ADAM22: variants seen among roughly 807,000 people sequenced by gnomAD.
ADAM22 encodes ADAM metallopeptidase domain 22.
In ADAM22, 65 loss-of-function variants were observed where a neutral mutation model predicts 144.6. That is an observed-to-expected ratio of 0.45 (90% CI 0.37 to 0.55). The LOEUF is 0.55. Among genes scored for constraint, ADAM22 ranks in the 20% least tolerant of loss-of-function variants. The pLI is 0.00. For missense variants in ADAM22, 974 were observed against 1,184.9 expected, an observed-to-expected ratio of 0.82 and a Z score of 2.61; for synonymous variants, 391 against 412.6, an observed-to-expected ratio of 0.95 and a Z score of 0.63.
chr7:88,024,733 G>A (rs1798609200), intron 3 of ADAM22, among the ~76,000 whole-genome samples: 2 of 119,472 alleles, frequency 1.7e-5, no homozygotes, highest in Admixed American at 2.4e-4. Context: ...CCCAGTGCAT[G>A]ATGTTCCCCT....
At chr7:87,947,182 A>C (rs183269945) in intron 2 of ADAM22, among the ~76,000 whole-genome samples, 9 of 152,352 alleles carry the variant, frequency 5.9e-5, no homozygotes, top group African/African-American at 2.2e-4. Context: ...ACAAACCTGC[A>C]CATGTATCCC....
chr7:88,089,346 C>A (rs183793159), intron 4 of ADAM22, among the ~76,000 whole-genome samples: 1 of 151,992 alleles, frequency 6.6e-6, no homozygotes, highest in Admixed American at 6.6e-5. Context: ...CATACCCTTG[C>A]ATCAATGATG....
chr7:88,154,641 A>G (rs1839397598), intron 21 of ADAM22, among the ~76,000 whole-genome samples: 1 of 152,172 alleles, frequency 6.6e-6, no homozygotes, highest in Admixed American at 6.6e-5. Context: ...TCTTGTGAAT[A>G]AAGATCATAT....
intron 24 of ADAM22, 39 bp downstream of exon 24, chr7:88,165,985 C>A: frequency 6.9e-7 from 1 of 1,457,666 alleles, no homozygotes; most frequent in Non-Finnish European, 9.4e-7. Flanking sequence ...AGTCTTTATA[C>A]ACAAAGAGAA....
intron 3 of ADAM22, among the ~76,000 whole-genome samples, chr7:88,059,653 G>A (rs756475551): frequency 6.6e-6 from 1 of 152,136 alleles, no homozygotes; most frequent in Admixed American, 6.5e-5. Flanking sequence ...TAAAAATGTG[G>A]CATATATACA....
intron 23 of ADAM22, among the ~76,000 whole-genome samples, chr7:88,165,324 T>G (rs1341212037): frequency 3.9e-5 from 6 of 152,132 alleles, no homozygotes; most frequent in Non-Finnish European, 8.8e-5. Context: ...CAGCATGGGT[T>G]GAAGTGCTAA....
intron 23 of ADAM22, among the ~76,000 whole-genome samples, chr7:88,165,575 C>A (rs546789985): frequency 6.6e-4 from 99 of 150,222 alleles, no homozygotes; most frequent in African/African-American, 2.3e-3. Context: ...ACAATAATTT[C>A]TTTGATTTTT....
At chr7:88,116,232 A>T (rs1352565723) in intron 6 of ADAM22, among the ~76,000 whole-genome samples, 1 of 152,042 alleles carries the variant, frequency 6.6e-6, no homozygotes, top group East Asian at 1.9e-4. Context: ...TTAACTTTTT[A>T]GAAGAAAAAT....
chr7:88,156,782 C>A (rs1341324150), intron 22 of ADAM22, among the ~76,000 whole-genome samples: 1 of 151,930 alleles, frequency 6.6e-6, no homozygotes. Flanking sequence ...TGGAGGACAG[C>A]AAGCAATATT....
intron 3 of ADAM22, among the ~76,000 whole-genome samples, chr7:88,053,492 C>T (rs1210051929): frequency 6.8e-6 from 1 of 147,902 alleles, no homozygotes; most frequent in African/African-American, 2.5e-5. Context: ...AATAAAAAGA[C>T]TTAAAGAGAA....
intron 15 of ADAM22, among the ~76,000 whole-genome samples, chr7:88,144,819 A>G (rs1312186055): frequency 6.6e-6 from 1 of 152,086 alleles, no homozygotes; most frequent in South Asian, 2.1e-4. Context: ...GCTTGATTTT[A>G]GTGAATGGTT....
In ADAM22 at chr7:88,199,422, A is replaced by C. The variant is rs1400636100; in HGVS notation, c.*2931A>C. The C allele has an allele frequency of 2.0e-5, 3 of 152,242 alleles. No homozygotes were observed. The highest frequency in any genetic ancestry group is 4.8e-5 in the African/African-American group (2 of 41,462). The allele number at this position is 152,242 out of a possible 1,614,324, so 9.4% of individuals were successfully genotyped here. A position where few individuals can be genotyped will look rare whatever the true frequency, so the allele number is the denominator to read the frequency against. On this transcript the variant is annotated 3_prime_UTR_variant, in exon 32 of 32. Coordinates refer to ENST00000413139, the MANE Select transcript of ADAM22 (RefSeq NM_001324418.2). The stretch of plus-strand genomic sequence containing the variant: ...GTGCAGTAAACCCTGATTTAAAGGA[A>C]CATTTAAGTCTCTCCAGTAAGTGTG...
chr7:88,110,764 T>C (rs1472624603), intron 5 of ADAM22, among the ~76,000 whole-genome samples: 1 of 67,518 alleles, frequency 1.5e-5, no homozygotes, highest in Non-Finnish European at 3.1e-5. Context: ...TTCTTTTCTG[T>C]CAGAGTCTCA....
chr7:88,127,940 A>G (rs1180249621), intron 8 of ADAM22, among the ~76,000 whole-genome samples: 1 of 151,974 alleles, frequency 6.6e-6, no homozygotes, highest in Non-Finnish European at 1.5e-5. Flanking sequence ...AAAGAGAAGA[A>G]AACTTGTTGG....
At chr7:88,195,742 C>T (rs1306070503) in intron 31 of ADAM22, among the ~76,000 whole-genome samples, 3 of 152,136 alleles carry the variant, frequency 2.0e-5, no homozygotes, top group Non-Finnish European at 4.4e-5. Context: ...TGGTCTCGAT[C>T]TCCTGACCTC....
At chr7:87,946,635 C>G (rs1357939643) in intron 2 of ADAM22, among the ~76,000 whole-genome samples, 2 of 152,094 alleles carry the variant, frequency 1.3e-5, no homozygotes, top group Admixed American at 1.3e-4. Context: ...TATTTTTGCC[C>G]ACTTTGTTGA....
intron 17 of ADAM22, 65 bp from the exon 18 acceptor site, chr7:88,148,912 T>A: frequency 8.2e-7 from 1 of 1,223,880 alleles, no homozygotes; most frequent in Non-Finnish European, 1.2e-6. Flanking sequence ...TTGTTTTTTT[T>A]AGATGATATT....
At chr7:88,122,379 C>A (rs1829503145) in intron 7 of ADAM22, among the ~76,000 whole-genome samples, 1 of 152,146 alleles carries the variant, frequency 6.6e-6, no homozygotes, top group Admixed American at 6.6e-5. Flanking sequence ...AAGCAAGTTA[C>A]AGGTTTTACT....
At chr7:88,096,839 G>A (rs993507138) in intron 4 of ADAM22, among the ~76,000 whole-genome samples, 1 of 152,038 alleles carries the variant, frequency 6.6e-6, no homozygotes, top group Non-Finnish European at 1.5e-5. Flanking sequence ...TGAATGATCA[G>A]CTTATTCTCA....
Sources: allele counts gnomAD v4.1 joint callset (sites outside exome capture counted in the v4.1 genomes callset), GRCh38; gene constraint gnomAD v4.1.1; transcripts MANE v1.5; gene names NCBI Gene and HGNC (gene_info 2026-07-23, HGNC 2026-07-21).